CIT: variants seen among roughly 807,000 people sequenced by gnomAD.
CIT encodes the protein citron Rho-interacting kinase.
A neutral mutation model predicts 272.7 loss-of-function variants in CIT; 79 were observed. That is an observed-to-expected ratio of 0.29 (90% CI 0.24 to 0.35). The LOEUF (loss-of-function observed/expected upper bound fraction) is 0.35, where lower values mean the gene tolerates loss of function less well. Ranked by LOEUF, CIT falls within the 10% of genes least tolerant of loss-of-function variation. The pLI is 1.00. For missense variants in CIT, 1,909 were observed against 2,618.3 expected (o/e 0.73, Z 5.91); for synonymous variants, 948 against 995.6 (o/e 0.95, Z 0.90).
In CIT at chr12:119,870,022, T is replaced by C. The variant is rs537306904; in HGVS notation, c.97-821A>G. Among the ~76,000 whole-genome samples, 3 of 152,286 alleles carry C rather than the reference T, an allele frequency of 2.0e-5. No homozygotes were observed. In the East Asian group the frequency reaches 5.8e-4, roughly 29 times the overall value. On this transcript the variant is annotated intron_variant, in intron 2 of 47. Coordinates refer to ENST00000392521, the MANE Select transcript of CIT (RefSeq NM_001206999.2). ...TGCCTGGCCCCCAAAGACATGAGTC[T>C]GCAACCCTGGTATAGAGCAGTGATT...
intron 40 of CIT, among the ~76,000 whole-genome samples, chr12:119,704,936 G>A (rs542112081): frequency 1.3e-5 from 2 of 152,222 alleles, no homozygotes; most frequent in South Asian, 2.1e-4. Flanking sequence ...CTTCTGAGAC[G>A]GAGTCTCACT....
chr12:119,839,337 G>A (rs977554741), intron 5 of CIT, among the ~76,000 whole-genome samples: 2 of 152,216 alleles, frequency 1.3e-5, no homozygotes, highest in African/African-American at 2.4e-5. Flanking sequence ...AATTCACATA[G>A]GGCATTAGAG....
chr12:119,775,938 C>A, intron 15 of CIT, 99 bp from the exon 16 acceptor site: 1 of 963,128 alleles, frequency 1.0e-6, no homozygotes, highest in East Asian at 2.5e-5. Flanking sequence ...TCTATGGGGT[C>A]TTTTTCTTTG....
chr12:119,743,722 TTATGTCTGTA>T (rs1172422939), intron 23 of CIT, among the ~76,000 whole-genome samples: 1 of 152,220 alleles, frequency 6.6e-6, no homozygotes, highest in Non-Finnish European at 1.5e-5. Context: ...TATGACATGT[TTATGTCTGTA>T]TATGACTGTA....
rs750806613 is a variant in CIT at position 119,742,450 on chromosome 12, T to G, written c.2919A>C (p.Glu973Asp). ...GAAGAGCATCAAATTTGCGCTGGAT[T>G]TCATCTCTATGTGCCTAAAAGGTAA... Reference protein sequence around the residue: ...EIQALTAHRDEIQRKFDALRN... With the variant: ...EIQALTAHRDDIQRKFDALRN... The change falls in exon 24 of 48, where the codon GAA becomes GAC. Residue 973 changes from glutamate to aspartate, a missense_variant. Around this residue, in one of 8 missense-constraint regions of CIT, gnomAD observed 530 missense variants for 822.4 expected, o/e 0.64. Coordinates refer to ENST00000392521, the MANE Select transcript of CIT (RefSeq NM_001206999.2). The G allele has an allele frequency of 8.7e-6, 14 of 1,611,020 alleles. No homozygotes were observed. The highest frequency in any genetic ancestry group is 1.2e-5 in the Non-Finnish European group (14 of 1,178,984).
chr12:119,740,449 T>G (rs1959003789), intron 24 of CIT, among the ~76,000 whole-genome samples: 1 of 152,204 alleles, frequency 6.6e-6, no homozygotes, highest in Non-Finnish European at 1.5e-5. Context: ...ACAAAATTCA[T>G]TATTTTGATT....
intron 2 of CIT, among the ~76,000 whole-genome samples, chr12:119,871,660 C>T (rs557622874): frequency 2.0e-5 from 3 of 152,182 alleles, no homozygotes; most frequent in East Asian, 3.9e-4. Context: ...TCAAGACCAG[C>T]CAGGGCAACA....
At chr12:119,774,488 C>CA (rs1963534863) in intron 16 of CIT, among the ~76,000 whole-genome samples, 3 of 152,006 alleles carry the variant, frequency 2.0e-5, no homozygotes, top group Middle Eastern at 3.4e-3. Context: ...GTTCTCACCA[C>CA]AAAAAATATA....
rs912274526 is a variant in CIT at position 119,876,185 on chromosome 12, A to T, written c.-13-4T>A. The T allele has an allele frequency of 6.9e-6, 11 of 1,591,618 alleles. No individual in the cohort carries two copies. The African/African-American group carries it at 1.1e-4, about 16-fold the overall frequency. On this transcript the variant is annotated splice_polypyrimidine_tract_variant and splice_region_variant and intron_variant, in intron 1 of 47. Transcript: ENST00000392521. ...CTTCAACATCTCCCCACTGGCGCTGAAAGGATATCAGAAAAGTCAAGTGTG... is the reference window on the plus strand; with the variant it reads ...CTTCAACATCTCCCCACTGGCGCTGTAAGGATATCAGAAAAGTCAAGTGTG...
chr12:119,690,015 T>C lies in CIT; in HGVS notation c.6186+136A>G. ...TCTTAAGGTACATTTTCTTCCTAAA[T>C]TCCTGTGTCTCGCAAAGTCTGAATT... On this transcript the variant is annotated intron_variant, in intron 47 of 47. Coordinates refer to ENST00000392521, the MANE Select transcript of CIT (RefSeq NM_001206999.2). This position sits in a 1 kb window ranked among gnomAD's most constrained non-coding sequence, Gnocchi z 6.0. 1.2e-6 allele frequency: 1 copy of C among 846,614 alleles called. No homozygotes were observed. Among genetic ancestry groups the C allele is most frequent in the Non-Finnish European group, 1.6e-6 (1 of 619,338 alleles). 52.4% of individuals were successfully genotyped at this position (846,614 alleles called of 1,614,324 possible).
chr12:119,800,189 T>G lies in CIT; in HGVS notation c.1295+3017A>C, dbSNP rs203338. 4.8e-3 allele frequency among the ~76,000 whole-genome samples: 730 copies of G among 152,236 alleles called. 8 individuals are homozygous for G. Among genetic ancestry groups the G allele is most frequent in the African/African-American group, 0.017 (690 of 41,528 alleles). ...GAGGAACAGCCAGGCATTCAGAGCTTGGGGATTTGGTTTGGGCTCTTGCTG... is the reference window on the plus strand; with the variant it reads ...GAGGAACAGCCAGGCATTCAGAGCTGGGGGATTTGGTTTGGGCTCTTGCTG... On this transcript the variant is annotated intron_variant, in intron 10 of 47. Coordinates refer to ENST00000392521, the MANE Select transcript of CIT (RefSeq NM_001206999.2).
At chr12:119,867,124 T>C (rs1950538298) in intron 3 of CIT, among the ~76,000 whole-genome samples, 1 of 151,844 alleles carries the variant, frequency 6.6e-6, no homozygotes, top group Non-Finnish European at 1.5e-5. Context: ...TCCTGGCCAA[T>C]GTAATACAGA....
At chr12:119,785,289 G>T (rs1157396132) in intron 10 of CIT, among the ~76,000 whole-genome samples, 1 of 152,200 alleles carries the variant, frequency 6.6e-6, no homozygotes, top group Non-Finnish European at 1.5e-5. Context: ...TGGGATTTAA[G>T]TTATGGATCT....
chr12:119,809,107 A>G (rs1258798539), intron 9 of CIT, among the ~76,000 whole-genome samples: 1 of 152,176 alleles, frequency 6.6e-6, no homozygotes, highest in Non-Finnish European at 1.5e-5. Flanking sequence ...TGGAGTGGGG[A>G]AAAGTGCTAC....
chr12:119,833,724 C>G (rs1968807593), intron 6 of CIT, among the ~76,000 whole-genome samples: 2 of 151,360 alleles, frequency 1.3e-5, no homozygotes, highest in African/African-American at 4.9e-5. Context: ...AGAAGTACAG[C>G]TCCATGGTCT....
At chr12:119,856,920 G>C (rs1366805602) in intron 4 of CIT, among the ~76,000 whole-genome samples, 1 of 152,170 alleles carries the variant, frequency 6.6e-6, no homozygotes, top group African/African-American at 2.4e-5. Context: ...TAAAATGTCT[G>C]TAAGTAATAA....
At chr12:119,837,117 C>A (rs988945082) in intron 5 of CIT, among the ~76,000 whole-genome samples, 1 of 152,198 alleles carries the variant, frequency 6.6e-6, no homozygotes, top group East Asian at 1.9e-4. Context: ...GGGTCCTTAT[C>A]AAAGATGCTA....
chr12:119,852,566 A>T (rs1403757470), intron 4 of CIT, among the ~76,000 whole-genome samples: 1 of 151,808 alleles, frequency 6.6e-6, no homozygotes, highest in Non-Finnish European at 1.5e-5. Context: ...AAAATACAAA[A>T]ATTAGCTGGG....
chr12:119,785,103 G>T, intron 10 of CIT, 38 bp from the exon 11 acceptor site: 1 of 1,607,498 alleles, frequency 6.2e-7, no homozygotes, highest in Non-Finnish European at 8.5e-7. Flanking sequence ...GGGCCTGCAG[G>T]TGGGCCTAAG....
Sources: allele counts gnomAD v4.1 joint callset (sites outside exome capture counted in the v4.1 genomes callset), GRCh38; gene constraint gnomAD v4.1.1; regional missense constraint gnomAD v4.1.1; non-coding constraint Gnocchi (gnomAD v3.1); transcripts MANE v1.5; gene names NCBI Gene and HGNC (gene_info 2026-07-23, HGNC 2026-07-21).